TPM1: variants seen among roughly 807,000 people sequenced by gnomAD.
TPM1 encodes the protein tropomyosin alpha-1 chain.
In TPM1, 24 loss-of-function variants were observed where a neutral mutation model predicts 42.9. The observed-to-expected ratio is 0.56, with a 90% CI of 0.41 to 0.79. The LOEUF is 0.79. Among genes scored for constraint, TPM1 ranks in the 30% least tolerant of loss-of-function variants. TPM1 has a pLI of 0.00. For synonymous variants in TPM1, 136 were observed against 130.1 expected (o/e 1.05, Z -0.31); for missense variants, 158 against 351.8 (o/e 0.45, Z 4.41).
intron 2 of TPM1, among the ~76,000 whole-genome samples, chr15:63,051,477 C>T (rs2033850398): frequency 1.5e-5 from 1 of 68,070 alleles, no homozygotes; most frequent in African/African-American, 7.8e-5. Context: ...TGGGCTTTGG[C>T]ACACACAGGA....
At chr15:63,071,121 T>A (rs2036587654), downstream of TPM1, 1 of 1,614,196 alleles carries the variant, frequency 6.2e-7, no homozygotes, top group Non-Finnish European at 8.5e-7. Flanking sequence ...AAGAAAACCT[T>A]AGTATGCATC....
chr15:63,065,428 G>A lies in TPM1; in HGVS notation c.852-468G>A, dbSNP rs577815142. The A allele has an allele frequency of 7.7e-6, 8 of 1,038,028 alleles. No individual in the cohort carries two copies. The South Asian group carries it at 1.8e-4, about 23-fold the overall frequency. 64.3% of individuals were successfully genotyped at this position (1,038,028 alleles called of 1,614,324 possible). Reference sequence around the variant, plus strand: ...GTGGCATGTGCCTGCTGCCTTAGAGGTTATAGAATCCCCACAGTCAACAAA... The same window carrying A: ...GTGGCATGTGCCTGCTGCCTTAGAGATTATAGAATCCCCACAGTCAACAAA... On this transcript the variant is annotated intron_variant, in intron 9 of 9. Transcript: ENST00000403994.
intron 2 of TPM1, chr15:63,048,935 G>A (rs2033208649): frequency 3.2e-6 from 2 of 632,242 alleles, no homozygotes; most frequent in African/African-American, 1.9e-5. Flanking sequence ...ACGCTCCCAG[G>A]GGAAACGGGT....
intron 1 of TPM1, 152 bp from the exon 2 acceptor site, chr15:63,043,873 ACT>A (rs753568148): frequency 6.5e-7 from 1 of 1,549,720 alleles, no homozygotes; most frequent in South Asian, 1.2e-5. Context: ...CGAATGGCTA[ACT>A]CTTTCTCTTT....
intron 2 of TPM1, chr15:63,045,187 A>C (rs999993641): frequency 1.3e-5 from 2 of 152,178 alleles, no homozygotes; most frequent in African/African-American, 4.8e-5. Flanking sequence ...TATGAAAGTA[A>C]CATGCAAATA....
At chr15:63,063,331 T>G in intron 8 of TPM1, 1 of 985,370 alleles carries the variant, frequency 1.0e-6, no homozygotes, top group Non-Finnish European at 1.2e-6. Flanking sequence ...ATAACCAAAA[T>G]AGTGGAGAAG....
chr15:63,048,866 G>C, intron 2 of TPM1: 1 of 950,424 alleles, frequency 1.1e-6, no homozygotes, highest in Non-Finnish European at 1.6e-6. Flanking sequence ...GCGGGCTCTG[G>C]GGAGGGGCCC....
At chr15:63,055,764 G>A (rs2034677791) in intron 2 of TPM1, 1 of 152,184 alleles carries the variant, frequency 6.6e-6, no homozygotes, top group Non-Finnish European at 1.5e-5. Context: ...TATTTTACCT[G>A]ATTAGTAAAT....
chr15:63,063,350 A>T, intron 8 of TPM1: 2 of 985,474 alleles, frequency 2.0e-6, no homozygotes, highest in Non-Finnish European at 2.4e-6. Flanking sequence ...AGAGAGAATG[A>T]CAAATGGTTG....
chr15:63,063,890 TAAAAC>T lies in TPM1; in HGVS notation c.773-168_773-164del, dbSNP rs2035970850. On this transcript the variant is annotated intron_variant, in intron 8 of 9. Transcript: ENST00000403994. Reference sequence around the variant, plus strand: ...CTCTTTGTTTTTGTTTCAATTTACTTAAAACAAAACGCACGCCTCCTGCATTGGCC... The same window carrying T: ...CTCTTTGTTTTTGTTTCAATTTACTTAAAACGCACGCCTCCTGCATTGGCC... 1.6e-5 allele frequency: 13 copies of T among 804,160 alleles called. No homozygotes were observed. The East Asian group carries it at 3.0e-4, about 19-fold the overall frequency. The allele number at this position is 804,160 out of a possible 1,614,324, so 49.8% of individuals were successfully genotyped here.
intron 2 of TPM1, chr15:63,055,804 A>T (rs1478109719): frequency 2.0e-5 from 3 of 152,220 alleles, no homozygotes; most frequent in African/African-American, 7.2e-5. Flanking sequence ...CACAATATTT[A>T]AACAGCCACC....
At chr15:63,048,602 G>T in intron 2 of TPM1, 1 of 1,532,228 alleles carries the variant, frequency 6.5e-7, no homozygotes, top group South Asian at 1.2e-5. Flanking sequence ...CGCTGGAGGC[G>T]GTGCGCAGGA....
intron 2 of TPM1, chr15:63,049,137 A>G (rs749640994): frequency 1.1e-4 from 25 of 224,144 alleles, no homozygotes; most frequent in Non-Finnish European, 1.9e-4. Flanking sequence ...CGACAGGTCA[A>G]GTGGGAGAGG....
chr15:63,062,501 C>T lies in TPM1; in HGVS notation c.703-75C>T, dbSNP rs1272611394. The T allele has an allele frequency of 1.6e-5, 24 of 1,532,632 alleles. 1 individual carries two copies. In the South Asian group the frequency reaches 2.4e-4, roughly 15 times the overall value. 94.9% of individuals were successfully genotyped at this position (1,532,632 alleles called of 1,614,324 possible). On this transcript the variant is annotated intron_variant, in intron 7 of 9. Coordinates refer to ENST00000403994, the MANE Select transcript of TPM1 (RefSeq NM_001018005.2). ...TATAGGTGATGTGCTTCATTTTCAT[C>T]CTCTAGTTTTCCCTATGTTTGTAGC...
downstream of TPM1, among the ~76,000 whole-genome samples, chr15:63,066,735 A>AATGACATCTTAGGTTTTCTAAAT (rs1371262971): frequency 6.6e-6 from 1 of 152,216 alleles, no homozygotes; most frequent in African/African-American, 2.4e-5. Flanking sequence ...TGATCATGAA[A>AATGACATCTTAGGTTTTCTAAAT]ATGACATCTT....
intron 1 of TPM1, 153 bp downstream of exon 1, chr15:63,043,096 A>G (rs2031516913): frequency 2.9e-6 from 2 of 683,244 alleles, no homozygotes; most frequent in Non-Finnish European, 5.2e-6. Flanking sequence ...GAAAGAAGGA[A>G]GGGAAACGCA....
downstream of TPM1, among the ~76,000 whole-genome samples, chr15:63,067,927 C>T (rs77372534): frequency 0.1 from 15,315 of 152,264 alleles, 1,175 homozygotes; most frequent in Admixed American, 0.24. Flanking sequence ...ACACCAGCTC[C>T]ACAGCAGCTG....
chr15:63,047,221 G>C (rs982851671), intron 2 of TPM1: 1 of 152,308 alleles, frequency 6.6e-6, no homozygotes, highest in African/African-American at 2.4e-5. Flanking sequence ...ATTTGTGAGA[G>C]TCTCAGCAGA....
chr15:63,060,154 G>A (rs182779747), intron 4 of TPM1, among the ~76,000 whole-genome samples: 45 of 152,324 alleles, frequency 3.0e-4, no homozygotes, highest in African/African-American at 1.0e-3. Context: ...GTTTTCAGCA[G>A]AATTTGCTCC....
Sources: allele counts gnomAD v4.1 joint callset (sites outside exome capture counted in the v4.1 genomes callset), GRCh38; gene constraint gnomAD v4.1.1; transcripts MANE v1.5; gene names NCBI Gene and HGNC (gene_info 2026-07-23, HGNC 2026-07-21).